Variants in FAM20C observed in about 807,000 individuals in gnomAD.
The protein encoded by FAM20C is FAM20C golgi associated secretory pathway kinase.
FAM20C carries 40 observed loss-of-function variants against 51.5 expected under a neutral mutation model. That is an observed-to-expected ratio of 0.78 (90% CI 0.60 to 1.01). The LOEUF is 1.01. Among genes scored for constraint, FAM20C ranks in the 50% least tolerant of loss-of-function variants. FAM20C has a pLI of 0.00. For missense variants in FAM20C, 861 were observed against 844.7 expected, an observed-to-expected ratio of 1.02 and a Z score of -0.24; for synonymous variants, 406 against 380.6, an observed-to-expected ratio of 1.07 and a Z score of -0.78.
rs538720362 is a variant in FAM20C at position 255,771 on chromosome 7, G to A, written c.1073-78G>A. 294 of 1,486,390 alleles carry A rather than the reference G, an allele frequency of 2.0e-4. 3 individuals are homozygous for A. The Admixed American group carries it at 4.8e-3, about 24-fold the overall frequency. 92.1% of individuals were successfully genotyped at this position (1,486,390 alleles called of 1,614,324 possible). ...AGAAGCACCAGGCAGAGCCCGGCCC[G>A]GCCTTGGGGGCCGTGAGACCACAGG... On this transcript the variant is annotated intron_variant, in intron 5 of 9. Coordinates refer to ENST00000313766, the MANE Select transcript of FAM20C (RefSeq NM_020223.4).
chr7:237,445 G>A (rs932521105), intron 3 of FAM20C, among the ~76,000 whole-genome samples: 22 of 152,098 alleles, frequency 1.4e-4, no homozygotes, highest in East Asian at 7.7e-4. Flanking sequence ...TGGTGATGAC[G>A]GTGATGACGG....
chr7:256,839 C>A lies in FAM20C; in HGVS notation c.1363+76C>A, dbSNP rs1309159605. On this transcript the variant is annotated intron_variant, in intron 7 of 9. Coordinates refer to ENST00000313766, the MANE Select transcript of FAM20C (RefSeq NM_020223.4). Reference sequence around the variant, plus strand: ...CGGATGCACGCAGGGCTCTGCAGGGCACACTCCGTGGCACGGCCCGGCTGC... The same window carrying A: ...CGGATGCACGCAGGGCTCTGCAGGGAACACTCCGTGGCACGGCCCGGCTGC... 3 of 1,460,310 alleles carry A rather than the reference C, an allele frequency of 2.1e-6. No individual in the cohort carries two copies. In the East Asian group the frequency reaches 7.4e-5, roughly 36 times the overall value. 90.5% of individuals were successfully genotyped at this position (1,460,310 alleles called of 1,614,324 possible).
chr7:227,251 G>A (rs980496433), intron 3 of FAM20C, among the ~76,000 whole-genome samples: 1 of 151,968 alleles, frequency 6.6e-6, no homozygotes, highest in Admixed American at 6.6e-5. Flanking sequence ...CGAAAGGGAG[G>A]GAAGATTAAA....
chr7:259,716 C>G lies in FAM20C; in HGVS notation c.1506-15C>G. The G allele has an allele frequency of 1.3e-6, 2 of 1,527,362 alleles. No individual in the cohort carries two copies. Among genetic ancestry groups the G allele is most frequent in the South Asian group, 2.4e-5 (2 of 83,022 alleles). 94.6% of individuals were successfully genotyped at this position (1,527,362 alleles called of 1,614,324 possible). A position where few individuals can be genotyped will look rare whatever the true frequency, so the allele number is the denominator to read the frequency against. ...CCCTGTCCCGTGCCAGGCCTGATGCCCCTCTCCTCCCCAGGATCCGGAAGT... is the reference window on the plus strand; with the variant it reads ...CCCTGTCCCGTGCCAGGCCTGATGCGCCTCTCCTCCCCAGGATCCGGAAGT... On this transcript the variant is annotated splice_polypyrimidine_tract_variant and intron_variant, in intron 9 of 9. Coordinates refer to ENST00000313766, the MANE Select transcript of FAM20C (RefSeq NM_020223.4).
chr7:237,838 G>GAGT (rs1787894744), intron 3 of FAM20C, among the ~76,000 whole-genome samples: 18 of 216 alleles, frequency 0.083, no homozygotes, highest in Non-Finnish European at 0.11. Flanking sequence ...AATAGTGATA[G>GAGT]TGATGATGNN....
intron 3 of FAM20C, among the ~76,000 whole-genome samples, chr7:244,699 T>C (rs1223957315): frequency 6.6e-6 from 1 of 152,178 alleles, no homozygotes; most frequent in Non-Finnish European, 1.5e-5. Context: ...ATGAAGCAAA[T>C]GTGACCTTCA....
At chr7:205,391 C>A (rs1562367086) in intron 2 of FAM20C, among the ~76,000 whole-genome samples, 1 of 152,068 alleles carries the variant, frequency 6.6e-6, no homozygotes, top group Admixed American at 6.5e-5. Context: ...GGACACACAC[C>A]ACCACACCAG....
At chr7:256,921 A>G in intron 7 of FAM20C, 84 bp from the exon 8 acceptor site, 1 of 1,463,066 alleles carries the variant, frequency 6.8e-7, no homozygotes, top group South Asian at 1.2e-5. Flanking sequence ...GCAGGAGGAG[A>G]CGCCGCTCTG....
intron 5 of FAM20C, among the ~76,000 whole-genome samples, chr7:253,752 A>C (rs1309425740): frequency 6.9e-6 from 1 of 144,310 alleles, no homozygotes; most frequent in East Asian, 1.9e-4. Context: ...CCCCTTTAAT[A>C]CCCGATTTGG....
At position 211,315 on chromosome 7, in the gene FAM20C, C is replaced by G. The variant is rs971400317; in HGVS notation, c.863+2339C>G. Among the ~76,000 whole-genome samples the G allele has an allele frequency of 1.1e-4, 16 of 150,294 alleles. 1 individual carries two copies. In the South Asian group the frequency reaches 2.8e-3, roughly 26 times the overall value. ...CCCCTTAGACATCTCCCAGCCTCCTCCCAGCCTCCCCACAACCTCCCGAAA... is the reference window on the plus strand; with the variant it reads ...CCCCTTAGACATCTCCCAGCCTCCTGCCAGCCTCCCCACAACCTCCCGAAA... On this transcript the variant is annotated intron_variant, in intron 3 of 9. Coordinates refer to ENST00000313766, the MANE Select transcript of FAM20C (RefSeq NM_020223.4).
At chr7:209,113 C>A in intron 3 of FAM20C, 137 bp downstream of exon 3, 1 of 818,576 alleles carries the variant, frequency 1.2e-6, no homozygotes, top group Non-Finnish European at 2.0e-6. Flanking sequence ...CTCAACTCTC[C>A]CCGTCATGGC....
intron 3 of FAM20C, among the ~76,000 whole-genome samples, chr7:216,860 A>C (rs1421768455): frequency 6.6e-6 from 1 of 152,092 alleles, no homozygotes; most frequent in Non-Finnish European, 1.5e-5. Context: ...TAGATGCAGA[A>C]ACTTTAGCCC....
chr7:209,402 A>T lies in FAM20C; in HGVS notation c.863+426A>T, dbSNP rs979500228. Among the ~76,000 whole-genome samples, 6 of 152,232 alleles carry T rather than the reference A, an allele frequency of 3.9e-5. No individual in the cohort carries two copies. In the South Asian group the frequency reaches 1.2e-3, roughly 32 times the overall value. On this transcript the variant is annotated intron_variant, in intron 3 of 9. Coordinates refer to ENST00000313766, the MANE Select transcript of FAM20C (RefSeq NM_020223.4). ...CTTTGCAGGTGTATGGTCTCTCCCT[A>T]CTATTCAGCGGGTGGTCCTAGCCCC...
chr7:232,752 G>A (rs886565511), intron 3 of FAM20C, among the ~76,000 whole-genome samples: 20,116 of 152,294 alleles, frequency 0.13, 1,689 homozygotes, highest in Admixed American at 0.27. Context: ...GCCTAGCGCC[G>A]CGGCTGACCG....
At position 193,694 on chromosome 7, in the gene FAM20C, C is replaced by G. The variant is rs1267506928; in HGVS notation, c.495C>G (p.Phe165Leu). ...GGDASLLARL[F>L]EHPLYRVAVP... Reference sequence around the variant, plus strand: ...ACGCCTCCCTCCTGGCCAGGCTGTTCGAGCACCCGCTTTACCGGGTGGCGG... The same window carrying G: ...ACGCCTCCCTCCTGGCCAGGCTGTTGGAGCACCCGCTTTACCGGGTGGCGG... The change falls in exon 1 of 10, where the codon TTC (phenylalanine) becomes TTG (leucine). Residue 165 changes from phenylalanine (F) to leucine (L), a missense_variant. Phe to Leu is a conservative substitution (Grantham distance 22, BLOSUM62 0). Around this residue, in one of 3 missense-constraint regions of FAM20C, gnomAD observed 561 missense variants for 499.8 expected, o/e 1.12. Coordinates refer to ENST00000313766, the MANE Select transcript of FAM20C (RefSeq NM_020223.4). The G allele has an allele frequency of 3.2e-6, 5 of 1,545,280 alleles. No individual in the cohort carries two copies. The highest frequency in any genetic ancestry group is 2.7e-5 in the African/African-American group (2 of 72,806).
At chr7:198,024 C>T (rs1210682935) in intron 2 of FAM20C, among the ~76,000 whole-genome samples, 3 of 152,232 alleles carry the variant, frequency 2.0e-5, no homozygotes, top group Admixed American at 6.5e-5. Flanking sequence ...GTGTGGCCTC[C>T]GCCTGGGTGT....
chr7:256,078 G>A (rs1023397465), intron 6 of FAM20C, 49 bp downstream of exon 6: 1 of 1,521,152 alleles, frequency 6.6e-7, no homozygotes, highest in African/African-American at 1.4e-5. Flanking sequence ...ACGGCAGAGG[G>A]AGCTGGGCCT....
At chr7:219,836 C>T (rs941191206) in intron 3 of FAM20C, among the ~76,000 whole-genome samples, 6 of 152,162 alleles carry the variant, frequency 3.9e-5, no homozygotes, top group African/African-American at 1.4e-4. Flanking sequence ...TTTGGAATTT[C>T]GAAGGATTTT....
Position 218,865 on chromosome 7 carries a change from A to G in FAM20C, c.863+9889A>G, listed in dbSNP as rs1787122407. Among the ~76,000 whole-genome samples the G allele has an allele frequency of 2.0e-5, 3 of 146,894 alleles. 1 individual carries two copies. The South Asian group carries it at 6.7e-4, about 33-fold the overall frequency. On this transcript the variant is annotated intron_variant, in intron 3 of 9. Coordinates refer to ENST00000313766, the MANE Select transcript of FAM20C (RefSeq NM_020223.4). Reference sequence around the variant, plus strand: ...GCTGACACGGGCCCAGGACGCACAGATCACTCCTGTCCGGCCGGGAGCTGA... The same window carrying G: ...GCTGACACGGGCCCAGGACGCACAGGTCACTCCTGTCCGGCCGGGAGCTGA...
Sources: allele counts gnomAD v4.1 joint callset (sites outside exome capture counted in the v4.1 genomes callset), GRCh38; gene constraint gnomAD v4.1.1; regional missense constraint gnomAD v4.1.1; transcripts MANE v1.5; gene names NCBI Gene and HGNC (gene_info 2026-07-23, HGNC 2026-07-21).